MGAT4A: variants seen among roughly 807,000 people sequenced by gnomAD.
The protein encoded by MGAT4A is N-acetylglucosaminyltransferase IVa.
MGAT4A carries 33 observed loss-of-function variants against 74.1 expected under a neutral mutation model. The ratio of observed to expected loss-of-function variants is 0.45; its 90% CI spans 0.34 to 0.60. MGAT4A has a LOEUF of 0.60. Ranked by LOEUF, MGAT4A falls within the 20% of genes least tolerant of loss-of-function variation. MGAT4A has a pLI of 0.02. For synonymous variants in MGAT4A, 198 were observed against 210.4 expected (o/e 0.94, Z 0.51); for missense variants, 479 against 628.3 (o/e 0.76, Z 2.54).
intron 13 of MGAT4A, 62 bp downstream of exon 13, chr2:98,636,455 C>T: frequency 8.0e-7 from 1 of 1,248,620 alleles, no homozygotes; most frequent in Non-Finnish European, 1.2e-6. Flanking sequence ...ACAAGAAAAG[C>T]TTCAAGCTAA....
intron 2 of MGAT4A, among the ~76,000 whole-genome samples, chr2:98,709,517 G>C (rs937168163): frequency 5.9e-5 from 9 of 152,016 alleles, no homozygotes; most frequent in Non-Finnish European, 1.3e-4. Context: ...TACAAGTCTT[G>C]AAGTTCAAGT....
chr2:98,640,321 AAAG>A, intron 10 of MGAT4A, 93 bp from the exon 11 acceptor site: 2 of 1,099,298 alleles, frequency 1.8e-6, no homozygotes, highest in Non-Finnish European at 2.7e-6. Context: ...AAAATATTGA[AAAG>A]AAGGGCTGGG....
intron 4 of MGAT4A, among the ~76,000 whole-genome samples, chr2:98,671,943 CAAAAAA>C (rs59955000): frequency 7.0e-5 from 2 of 28,638 alleles, no homozygotes; most frequent in African/African-American, 1.3e-4. Context: ...GTGGAAAAGG[CAAAAAA>C]AAAAAAAAAA....
chr2:98,627,971 T>C (rs960800182), intron 14 of MGAT4A, among the ~76,000 whole-genome samples: 7 of 152,248 alleles, frequency 4.6e-5, no homozygotes, highest in African/African-American at 1.7e-4. Context: ...TGATGAATAA[T>C]AAAATAAATA....
At chr2:98,711,386 G>A (rs957153106) in intron 2 of MGAT4A, among the ~76,000 whole-genome samples, 4 of 151,680 alleles carry the variant, frequency 2.6e-5, no homozygotes, top group African/African-American at 7.3e-5. Flanking sequence ...CATTTGACAC[G>A]AATGGTCCCA....
At position 98,622,642 on chromosome 2, in the gene MGAT4A, T is replaced by C. The variant is rs546626611; in HGVS notation, c.*2924A>G. 4.3e-5 allele frequency: 42 copies of C among 985,512 alleles called. No individual in the cohort carries two copies. The highest frequency in any genetic ancestry group is 7.2e-6 in the Non-Finnish European group (6 of 830,116). 61.0% of individuals were successfully genotyped at this position (985,512 alleles called of 1,614,324 possible). A position where few individuals can be genotyped will look rare whatever the true frequency, so the allele number is the denominator to read the frequency against. On this transcript the variant is annotated 3_prime_UTR_variant, in exon 16 of 16. Coordinates refer to ENST00000393487, the MANE Select transcript of MGAT4A (RefSeq NM_012214.3). ...AGGATGGCTGCTTCTACTAGTTGAG[T>C]GCAGAACTGGGCAGAAAGGAGGGAG...
At chr2:98,668,246 G>GA (rs1309896418) in intron 4 of MGAT4A, among the ~76,000 whole-genome samples, 1 of 152,180 alleles carries the variant, frequency 6.6e-6, no homozygotes, top group South Asian at 2.1e-4. Context: ...ATTTAGGAGG[G>GA]AAAAATGGTT....
At chr2:98,701,992 A>G (rs1702361421) in intron 2 of MGAT4A, among the ~76,000 whole-genome samples, 1 of 152,206 alleles carries the variant, frequency 6.6e-6, no homozygotes, top group African/African-American at 2.4e-5. Flanking sequence ...ACAGAGTGAG[A>G]AGGCTCACAA....
At chr2:98,686,011 A>C (rs1268277185) in intron 2 of MGAT4A, among the ~76,000 whole-genome samples, 3 of 152,176 alleles carry the variant, frequency 2.0e-5, no homozygotes, top group Admixed American at 6.5e-5. Context: ...TTCCAGGGAC[A>C]GGGGGCGCTC....
intron 11 of MGAT4A, 25 bp downstream of exon 11, chr2:98,640,096 G>C: frequency 1.9e-6 from 3 of 1,583,230 alleles, no homozygotes; most frequent in Non-Finnish European, 2.6e-6. Context: ...GTATGTTCAT[G>C]AGAAAATAAA....
rs1701377472 is a variant in MGAT4A at position 98,639,740 on chromosome 2, T to C, written c.1322+68A>G. On this transcript the variant is annotated intron_variant, in intron 12 of 15. Transcript: ENST00000393487. ...TCTGTCAGGCACACACACAAAAATC[T>C]ATTATAAATCACATTACGAATAAGA... is the stretch of plus-strand genomic sequence containing the variant. 4.3e-6 allele frequency: 6 copies of C among 1,406,712 alleles called. No individual in the cohort carries two copies. In the South Asian group the frequency reaches 8.8e-5, roughly 21 times the overall value. The allele number at this position is 1,406,712 out of a possible 1,614,324, so 87.1% of individuals were successfully genotyped here.
chr2:98,694,955 G>C (rs1177013989), intron 2 of MGAT4A: 1 of 153,572 alleles, frequency 6.5e-6, no homozygotes, highest in Non-Finnish European at 1.5e-5. Context: ...TCTGCCTGGG[G>C]CTGGCTCTTA....
intron 9 of MGAT4A, among the ~76,000 whole-genome samples, chr2:98,645,123 G>A (rs1431229230): frequency 6.6e-6 from 1 of 152,140 alleles, no homozygotes; most frequent in East Asian, 1.9e-4. Flanking sequence ...TAAAAGAACT[G>A]CAATCTTATG....
intron 2 of MGAT4A, among the ~76,000 whole-genome samples, chr2:98,692,834 G>A (rs1011640486): frequency 1.3e-5 from 2 of 152,148 alleles, no homozygotes; most frequent in African/African-American, 4.8e-5. Flanking sequence ...ACCACCTAAC[G>A]ATGCATTTCT....
At chr2:98,684,354 G>A (rs1702100794) in intron 2 of MGAT4A, among the ~76,000 whole-genome samples, 1 of 152,112 alleles carries the variant, frequency 6.6e-6, no homozygotes, top group Non-Finnish European at 1.5e-5. Flanking sequence ...TTACTGGGAA[G>A]TGCCCAGTTT....
intron 14 of MGAT4A, among the ~76,000 whole-genome samples, chr2:98,626,307 A>G (rs1701143429): frequency 2.0e-5 from 3 of 152,202 alleles, no homozygotes. Context: ...TTCCAAAGGC[A>G]CATTTAGAAG....
At chr2:98,706,943 C>T (rs781115955) in intron 2 of MGAT4A, among the ~76,000 whole-genome samples, 27 of 150,720 alleles carry the variant, frequency 1.8e-4, no homozygotes, top group Non-Finnish European at 2.7e-4. Context: ...GGGCTGGGCA[C>T]GGTGGCTTAT....
chr2:98,671,867 G>A (rs1471063071), intron 4 of MGAT4A, among the ~76,000 whole-genome samples: 1 of 149,770 alleles, frequency 6.7e-6, no homozygotes, highest in Non-Finnish European at 1.5e-5. Flanking sequence ...AGAATCAAGA[G>A]GGTCATGGTC....
chr2:98,637,317 A>AAATAAT (rs900091912), intron 12 of MGAT4A, among the ~76,000 whole-genome samples: 1 of 151,158 alleles, frequency 6.6e-6, no homozygotes, highest in African/African-American at 2.4e-5. Flanking sequence ...ACTCATCTCT[A>AAATAAT]AATAATAATA....
Sources: gnomAD v4.1 joint callset for allele counts (sites outside exome capture counted in the v4.1 genomes callset) on GRCh38, gnomAD v4.1.1 for gene constraint, MANE v1.5 for transcripts, NCBI Gene and HGNC (gene_info 2026-07-23, HGNC 2026-07-21) for gene names.